Variants in EIF4G3 observed in about 807,000 individuals in gnomAD.
EIF4G3 encodes eIF-4-gamma 3.
In EIF4G3, 34 loss-of-function variants were observed where a neutral mutation model predicts 186.4. The ratio of observed to expected loss-of-function variants is 0.18; its 90% CI spans 0.14 to 0.24. The LOEUF is 0.24. Among genes scored for constraint, EIF4G3 ranks in the 10% least tolerant of loss-of-function variants. The pLI, the probability that EIF4G3 is intolerant of heterozygous loss-of-function variation, is 1.00. For synonymous variants in EIF4G3, 673 were observed against 679.5 expected, an observed-to-expected ratio of 0.99 and a Z score of 0.15; for missense variants, 1,536 against 1,948.5, an observed-to-expected ratio of 0.79 and a Z score of 3.99.
At chr1:21,011,209 T>TAA (rs970430807) in intron 4 of EIF4G3, among the ~76,000 whole-genome samples, 2 of 145,364 alleles carry the variant, frequency 1.4e-5, no homozygotes, top group Non-Finnish European at 3.0e-5. Flanking sequence ...AACTTTTTTT[T>TAA]AAAAAAAAAA....
At chr1:20,956,750 G>A (rs981068753) in intron 12 of EIF4G3, among the ~76,000 whole-genome samples, 11 of 151,800 alleles carry the variant, frequency 7.2e-5, no homozygotes, top group Admixed American at 1.3e-4. Flanking sequence ...ACAGCTCACT[G>A]TAGCCTCAAA....
intron 4 of EIF4G3, among the ~76,000 whole-genome samples, chr1:21,010,082 G>A (rs2086542691): frequency 6.6e-6 from 1 of 152,284 alleles, no homozygotes; most frequent in South Asian, 2.1e-4. Context: ...CACTTGAAAT[G>A]TGACTGATGA....
intron 14 of EIF4G3, among the ~76,000 whole-genome samples, chr1:20,908,378 C>CTAATGGACAAATTAACAGACATGTTTAA (rs2092628628): frequency 6.6e-6 from 1 of 152,088 alleles, no homozygotes; most frequent in Non-Finnish European, 1.5e-5. Context: ...TGTAAAACGT[C>CTAATGGACAAATTAACAGACATGTTTAA]TAATGGACAA....
intron 2 of EIF4G3, among the ~76,000 whole-genome samples, chr1:21,090,363 T>C (rs1261780439): frequency 1.3e-5 from 2 of 152,202 alleles, no homozygotes; most frequent in Non-Finnish European, 2.9e-5. Context: ...AAATGCCAAC[T>C]AGGCAAATAC....
At chr1:20,915,598 A>G (rs61781103) in intron 14 of EIF4G3, among the ~76,000 whole-genome samples, 1 of 152,238 alleles carries the variant, frequency 6.6e-6, no homozygotes, top group Admixed American at 6.5e-5. Flanking sequence ...TTTTCAAATA[A>G]GCAGTTAATA....
intron 2 of EIF4G3, among the ~76,000 whole-genome samples, chr1:21,156,247 T>C (rs1050899947): frequency 5.9e-5 from 9 of 152,182 alleles, no homozygotes; most frequent in African/African-American, 1.9e-4. Context: ...CTATTCTGGA[T>C]AGTTTAAAGG....
intron 20 of EIF4G3, among the ~76,000 whole-genome samples, chr1:20,871,760 C>A (rs1396701621): frequency 1.3e-5 from 2 of 152,154 alleles, no homozygotes; most frequent in African/African-American, 2.4e-5. Context: ...CACTTTTGGG[C>A]AACACTGGCC....
intron 3 of EIF4G3, chr1:21,064,605 C>T (rs2095130463): frequency 6.6e-6 from 1 of 151,940 alleles, no homozygotes. Flanking sequence ...AGGTCCTTTC[C>T]CAGTTCAACA....
chr1:21,045,976 G>A (rs958574218), intron 4 of EIF4G3, among the ~76,000 whole-genome samples: 1 of 152,132 alleles, frequency 6.6e-6, no homozygotes, highest in Non-Finnish European at 1.5e-5. Context: ...AGAAAACTGG[G>A]CATTAATAGG....
At chr1:20,821,381 C>G (rs2062302244) in intron 33 of EIF4G3, among the ~76,000 whole-genome samples, 1 of 152,174 alleles carries the variant, frequency 6.6e-6, no homozygotes, top group Admixed American at 6.5e-5. Context: ...TGCAAAATTC[C>G]CAAATTCACT....
At chr1:20,946,254 A>G (rs886916511) in intron 13 of EIF4G3, among the ~76,000 whole-genome samples, 5 of 152,206 alleles carry the variant, frequency 3.3e-5, no homozygotes, top group African/African-American at 9.6e-5. Context: ...TGAACACACT[A>G]GGTGCTTTCA....
At chr1:20,913,380 T>A (rs573036414) in intron 14 of EIF4G3, among the ~76,000 whole-genome samples, 20 of 152,084 alleles carry the variant, frequency 1.3e-4, no homozygotes, top group East Asian at 3.9e-4. Context: ...ACAAAAAAAA[T>A]TTTTTTAATT....
At chr1:20,963,226 T>C (rs2073828960) in intron 12 of EIF4G3, among the ~76,000 whole-genome samples, 2 of 152,216 alleles carry the variant, frequency 1.3e-5, no homozygotes, top group Admixed American at 6.5e-5. Context: ...TGTGTATTCA[T>C]GACATACCTA....
intron 2 of EIF4G3, among the ~76,000 whole-genome samples, chr1:21,152,421 A>G (rs2097567928): frequency 1.3e-5 from 2 of 150,032 alleles, no homozygotes; most frequent in Admixed American, 1.3e-4. Flanking sequence ...TTTGTTACGT[A>G]CTCCTTAGAT....
intron 2 of EIF4G3, among the ~76,000 whole-genome samples, chr1:21,146,502 TG>T (rs2097444901): frequency 6.6e-6 from 1 of 152,222 alleles, no homozygotes; most frequent in African/African-American, 2.4e-5. Context: ...GGCTCACACC[TG>T]TAATCCCAGC....
At chr1:21,062,292 T>C (rs1448143458) in intron 3 of EIF4G3, among the ~76,000 whole-genome samples, 1 of 152,026 alleles carries the variant, frequency 6.6e-6, no homozygotes, top group Non-Finnish European at 1.5e-5. Context: ...ACTCCTGGGC[T>C]CAAGCAATCC....
At chr1:20,841,506 T>A (rs1056816323) in intron 29 of EIF4G3, among the ~76,000 whole-genome samples, 5 of 152,208 alleles carry the variant, frequency 3.3e-5, no homozygotes, top group Non-Finnish European at 7.3e-5. Context: ...AAAGCCTTAA[T>A]GTGTCAACAG....
At chr1:21,105,016 A>G (rs2096589940) in intron 2 of EIF4G3, among the ~76,000 whole-genome samples, 1 of 152,342 alleles carries the variant, frequency 6.6e-6, no homozygotes, top group East Asian at 1.9e-4. Context: ...GTACGCATTG[A>G]CACAAAGAAG....
At chr1:21,124,530 C>T (rs1043912351) in intron 2 of EIF4G3, among the ~76,000 whole-genome samples, 17 of 152,120 alleles carry the variant, frequency 1.1e-4, no homozygotes, top group Non-Finnish European at 2.1e-4. Flanking sequence ...AACAAGAAGA[C>T]GGCCAGACTG....
Sources: allele counts gnomAD v4.1 joint callset (sites outside exome capture counted in the v4.1 genomes callset), GRCh38; gene constraint gnomAD v4.1.1; transcripts MANE v1.5; gene names NCBI Gene and HGNC (gene_info 2026-07-23, HGNC 2026-07-21).